Variants in FAAH2 observed in about 807,000 individuals in gnomAD.
The protein encoded by FAAH2 is fatty acid amide hydrolase 2.
In FAAH2, 60 loss-of-function variants were observed where a neutral mutation model predicts 36.9. The observed-to-expected ratio is 1.63, with a 90% CI of 1.32 to 2.02. The LOEUF is 2.02. FAAH2 is among the 30% of genes most tolerant of loss of function. The pLI is 0.00. For synonymous variants in FAAH2, 214 were observed against 143.8 expected, an observed-to-expected ratio of 1.49 and a Z score of -3.49; for missense variants, 689 against 397.5, an observed-to-expected ratio of 1.73 and a Z score of -6.23.
chrX:57,426,503 C>G (rs2056166892), intron 7 of FAAH2, among the ~76,000 whole-genome samples: 1 of 111,385 alleles, frequency 9.0e-6, no homozygotes, highest in Non-Finnish European at 1.9e-5. Context: ...TTTTAGGCCA[C>G]AAAACAAGCC....
chrX:57,187,911 C>A, the FAAH2 span, among the ~76,000 whole-genome samples: 4 of 111,594 alleles, frequency 3.6e-5, no homozygotes, highest in African/African-American at 1.3e-4. Context: ...AAGGATGAAG[C>A]CGACTTGTTC....
chrX:57,457,700 C>CAAA (rs142534517), intron 10 of FAAH2, among the ~76,000 whole-genome samples: 2,042 of 86,272 alleles, frequency 0.024, 26 homozygotes, highest in Non-Finnish European at 0.031. Flanking sequence ...ACAATAGCCA[C>CAAA]AAAAAAAAAA....
the FAAH2 span, among the ~76,000 whole-genome samples, chrX:57,124,479 C>T: frequency 9.0e-6 from 1 of 111,713 alleles, no homozygotes; most frequent in African/African-American, 3.3e-5. Flanking sequence ...TTTGACTTGG[C>T]AATGCAGGCT....
In FAAH2 at chrX:57,466,156, C is replaced by CTCTCTCTATATA. The variant is rs1287266105; in HGVS notation, c.1423+17439_1423+17440insCTCTCTATATAT. Reference sequence around the variant, plus strand: ...TCTCTCTCTCTCTCTCTCTCTCTCTCTATATATATATATATATATATATAC... The same window carrying CTCTCTCTATATA: ...TCTCTCTCTCTCTCTCTCTCTCTCTCTCTCTCTATATATATATATATATATATATATATATAC... On this transcript the variant is annotated intron_variant, in intron 10 of 10. Coordinates refer to ENST00000374900, the MANE Select transcript of FAAH2 (RefSeq NM_174912.4). Among the ~76,000 whole-genome samples the CTCTCTCTATATA allele has an allele frequency of 5.7e-3, 377 of 66,373 alleles. 2 individuals are homozygous for CTCTCTCTATATA. The highest frequency in any genetic ancestry group is 7.8e-3 in the South Asian group (7 of 897). The allele number at this position is 66,373 out of a possible 115,157, so 57.6% of individuals were successfully genotyped here.
At chrX:57,208,436 G>T in the FAAH2 span, among the ~76,000 whole-genome samples, 1 of 111,974 alleles carries the variant, frequency 8.9e-6, no homozygotes, top group African/African-American at 3.2e-5. Flanking sequence ...ACTCACCACA[G>T]GTATTGCTTA....
At chrX:57,153,368 T>A in the FAAH2 span, among the ~76,000 whole-genome samples, 1 of 112,303 alleles carries the variant, frequency 8.9e-6, no homozygotes, top group Non-Finnish European at 1.9e-5. Context: ...TTATATTCAA[T>A]GTTAGTATTG....
At chrX:57,271,619 A>C in the FAAH2 span, among the ~76,000 whole-genome samples, 6 of 112,118 alleles carry the variant, frequency 5.4e-5, no homozygotes, top group African/African-American at 1.9e-4. Context: ...ATACCCAGGG[A>C]AACAGGGTCG....
chrX:57,393,948 G>A lies in FAAH2; in HGVS notation c.996+12919G>A, dbSNP rs892185245. ...GTAGAGTCAGTCTTGTCAATGCCTA[G>A]TCTGTTTAACCTTTGTATGTGGATA... is the stretch of plus-strand genomic sequence containing the variant. On this transcript the variant is annotated intron_variant, in intron 7 of 10. Coordinates refer to ENST00000374900, the MANE Select transcript of FAAH2 (RefSeq NM_174912.4). The A allele has an allele frequency of 9.2e-6, 8 of 869,197 alleles. No individual in the cohort carries two copies. In the Middle Eastern group the frequency reaches 8.3e-4, roughly 90 times the overall value. 71.6% of individuals were successfully genotyped at this position (869,197 alleles called of 1,213,427 possible). A position where few individuals can be genotyped will look rare whatever the true frequency, so the allele number is the denominator to read the frequency against.
At chrX:57,302,329 A>G (rs2052396952) in intron 2 of FAAH2, among the ~76,000 whole-genome samples, 1 of 112,130 alleles carries the variant, frequency 8.9e-6, no homozygotes, top group Non-Finnish European at 1.9e-5. Flanking sequence ...TTATAGTTTT[A>G]TGGATTTAAA....
intron 7 of FAAH2, among the ~76,000 whole-genome samples, chrX:57,399,082 G>T (rs2055371409): frequency 9.0e-6 from 1 of 111,472 alleles, no homozygotes; most frequent in African/African-American, 3.3e-5. Flanking sequence ...TCTTAGTCAT[G>T]GACTGCAACT....
At chrX:57,212,066 T>C in the FAAH2 span, among the ~76,000 whole-genome samples, 1 of 111,382 alleles carries the variant, frequency 9.0e-6, no homozygotes, top group Non-Finnish European at 1.9e-5. Context: ...CAAGACCCTG[T>C]CTCTACAGTT....
intron 6 of FAAH2, 118 bp from the exon 7 acceptor site, chrX:57,380,794 G>A (rs1386455863): frequency 6.9e-6 from 3 of 433,440 alleles, no homozygotes; most frequent in Non-Finnish European, 1.2e-5. Flanking sequence ...ACTGTTTCTG[G>A]CACACAGTGC....
intron 2 of FAAH2, among the ~76,000 whole-genome samples, chrX:57,302,566 G>T (rs1446040987): frequency 2.7e-5 from 3 of 110,688 alleles, no homozygotes; most frequent in South Asian, 7.7e-4. Context: ...CATAGAGAAG[G>T]TTACTGATCC....
At chrX:57,458,933 G>A (rs1416334890) in intron 10 of FAAH2, among the ~76,000 whole-genome samples, 1 of 112,069 alleles carries the variant, frequency 8.9e-6, no homozygotes. Flanking sequence ...TTGTTTTCTT[G>A]TTGTTTCCCA....
At chrX:57,323,918 G>T (rs1426561188) in intron 3 of FAAH2, among the ~76,000 whole-genome samples, 1 of 110,900 alleles carries the variant, frequency 9.0e-6, no homozygotes, top group Non-Finnish European at 1.9e-5. Context: ...CCTTGCCCAT[G>T]CCTATGTCCT....
chrX:57,138,674 C>T, the FAAH2 span, among the ~76,000 whole-genome samples: 2 of 111,250 alleles, frequency 1.8e-5, no homozygotes, highest in African/African-American at 6.5e-5. Flanking sequence ...TTTATATCCC[C>T]ACGAGCAATT....
chrX:57,453,504 C>T (rs1053827109), intron 10 of FAAH2, among the ~76,000 whole-genome samples: 1 of 111,212 alleles, frequency 9.0e-6, no homozygotes, highest in Non-Finnish European at 1.9e-5. Context: ...GATTCCACAA[C>T]CCCCACCACC....
intron 4 of FAAH2, among the ~76,000 whole-genome samples, chrX:57,336,293 A>T (rs767402536): frequency 9.2e-5 from 10 of 108,869 alleles, no homozygotes; most frequent in Admixed American, 3.0e-4. Flanking sequence ...TTTGACTGTA[A>T]TTTTCCTTTA....
chrX:57,343,149 G>A (rs1320511833), intron 5 of FAAH2, among the ~76,000 whole-genome samples: 1 of 111,621 alleles, frequency 9.0e-6, no homozygotes, highest in African/African-American at 3.3e-5. Context: ...CTGGTAATGG[G>A]ATCACTGGGT....
Sources: gnomAD v4.1 joint callset for allele counts (sites outside exome capture counted in the v4.1 genomes callset) on GRCh38, gnomAD v4.1.1 for gene constraint, MANE v1.5 for transcripts, NCBI Gene and HGNC (gene_info 2026-07-23, HGNC 2026-07-21) for gene names.